The following FKBP5 variants were observed in gnomAD, a reference collection of about 807,000 sequenced individuals.
FKBP5 encodes the protein FKBP prolyl isomerase 5.
In FKBP5, 23 loss-of-function variants were observed where a neutral mutation model predicts 50.5. The observed-to-expected ratio is 0.46, with a 90% CI of 0.33 to 0.65. FKBP5 has a LOEUF of 0.65. Ranked by LOEUF, FKBP5 falls within the 30% of genes least tolerant of loss-of-function variation. FKBP5 has a pLI of 0.02. For synonymous variants in FKBP5, 176 were observed against 190.6 expected (o/e 0.92, Z 0.63); for missense variants, 411 against 553.1 (o/e 0.74, Z 2.58).
chr6:35,595,166 C>T (rs796648889), intron 6 of FKBP5, among the ~76,000 whole-genome samples: 41 of 152,290 alleles, frequency 2.7e-4, no homozygotes, highest in African/African-American at 7.5e-4. Context: ...AAAGTGTAAC[C>T]ACTAATGATA....
chr6:35,585,272 T>C, intron 8 of FKBP5: 1 of 982,316 alleles, frequency 1.0e-6, no homozygotes, highest in Non-Finnish European at 1.2e-6. Flanking sequence ...TTAAGAAATT[T>C]TGTAGAAACA....
chr6:35,695,345 TA>T lies in FKBP5; in HGVS notation c.-20+24982del, dbSNP rs540699134. Among the ~76,000 whole-genome samples the T allele has an allele frequency of 1.5e-3, 228 of 152,320 alleles. 2 individuals are homozygous for T. The highest frequency in any genetic ancestry group is 5.3e-3 in the African/African-American group (222 of 41,576). On this transcript the variant is annotated intron_variant, in intron 2 of 11. Transcript: ENST00000536438. ...CGCCTGACTAATCTTTTGTATTTTT[TA>T]GTAGAGACTGGGTTTCACCATGTTG... is the stretch of plus-strand genomic sequence containing the variant.
intron 1 of FKBP5, among the ~76,000 whole-genome samples, chr6:35,688,222 G>A (rs1765891747): frequency 6.6e-6 from 1 of 152,192 alleles, no homozygotes; most frequent in South Asian, 2.1e-4. Context: ...CGGCCACCCC[G>A]CCACCATCCC....
At chr6:35,713,718 A>C (rs990755186) in intron 2 of FKBP5, among the ~76,000 whole-genome samples, 1 of 152,148 alleles carries the variant, frequency 6.6e-6, no homozygotes, top group African/African-American at 2.4e-5. Context: ...GGTAGCAGAG[A>C]ATGTAAAAAG....
intron 7 of FKBP5, among the ~76,000 whole-genome samples, chr6:35,588,767 ATTTTTTT>A (rs758119749): frequency 5.9e-5 from 8 of 135,712 alleles, no homozygotes; most frequent in African/African-American, 1.6e-4. Context: ...TGTCCAGCTA[ATTTTTTT>A]TTTTTTTTTT....
rs537992101 is a variant in FKBP5 at position 35,584,020 on chromosome 6, A to T, written c.840+3014T>A. ...CAAGGGGGCGCAAGAATCCCACATC[A>T]CTTCAGTGTTCTTAGCCTTCTTGCC... On this transcript the variant is annotated intron_variant, in intron 8 of 10. Coordinates refer to ENST00000357266, the MANE Select transcript of FKBP5 (RefSeq NM_004117.4). 1,664 of 985,348 alleles carry T rather than the reference A, an allele frequency of 1.7e-3. 1 individual carries two copies. Among genetic ancestry groups the T allele is most frequent in the Non-Finnish European group, 1.9e-3 (1,576 of 829,920 alleles). The allele number at this position is 985,348 out of a possible 1,614,324, so 61.0% of individuals were successfully genotyped here. A position where few individuals can be genotyped will look rare whatever the true frequency, so the allele number is the denominator to read the frequency against.
At chr6:35,635,530 T>C (rs1278552782) in intron 3 of FKBP5, among the ~76,000 whole-genome samples, 1 of 152,166 alleles carries the variant, frequency 6.6e-6, no homozygotes, top group East Asian at 1.9e-4. Flanking sequence ...CCTTTTTTCC[T>C]CAGGACCCCT....
chr6:35,695,092 G>A (rs955436829), intron 2 of FKBP5, among the ~76,000 whole-genome samples: 1 of 152,192 alleles, frequency 6.6e-6, no homozygotes, highest in Non-Finnish European at 1.5e-5. Flanking sequence ...TTAACGGTGA[G>A]AGAATGGATG....
At chr6:35,701,299 A>G (rs1179663720) in intron 2 of FKBP5, among the ~76,000 whole-genome samples, 3 of 146,544 alleles carry the variant, frequency 2.0e-5, no homozygotes, top group Non-Finnish European at 4.5e-5. Context: ...GCTGGAGTGC[A>G]GTGGCGGGAT....
chr6:35,650,585 T>C (rs1764772244), intron 1 of FKBP5, among the ~76,000 whole-genome samples: 1 of 152,106 alleles, frequency 6.6e-6, no homozygotes, highest in South Asian at 2.1e-4. Flanking sequence ...ATGATACTCC[T>C]GCCTCAGCCT....
chr6:35,576,436 C>T (rs968541782), intron 10 of FKBP5, among the ~76,000 whole-genome samples: 1 of 152,082 alleles, frequency 6.6e-6, no homozygotes, highest in South Asian at 2.1e-4. Flanking sequence ...CTTTGGGAGA[C>T]CAAAGCAGGA....
intron 2 of FKBP5, among the ~76,000 whole-genome samples, chr6:35,700,786 T>C (rs1369641808): frequency 1.4e-5 from 2 of 143,798 alleles, no homozygotes; most frequent in Non-Finnish European, 3.0e-5. Context: ...GGCGAAACCC[T>C]GTCTCTACTA....
chr6:35,723,592 A>G lies in FKBP5; in HGVS notation c.-240-3044T>C, dbSNP rs1321254148. Among the ~76,000 whole-genome samples, 4 of 152,390 alleles carry G rather than the reference A, an allele frequency of 2.6e-5. No homozygotes were observed. In the East Asian group the frequency reaches 7.7e-4, roughly 29 times the overall value. The stretch of plus-strand genomic sequence containing the variant: ...ATAGATGGAGGTAAACAGGACTCTC[A>G]GTGAACAAGGAGAGAGAAATTCAGA... On this transcript the variant is annotated intron_variant, in intron 1 of 11. Coordinates refer to the FKBP5 transcript ENST00000536438.
intron 1 of FKBP5, among the ~76,000 whole-genome samples, chr6:35,657,076 G>T (rs1019674152): frequency 6.7e-6 from 1 of 149,578 alleles, no homozygotes; most frequent in Non-Finnish European, 1.5e-5. Context: ...CTAGCCGGGA[G>T]TGGTGGCGGG....
At chr6:35,666,669 T>C (rs1043525853) in intron 1 of FKBP5, among the ~76,000 whole-genome samples, 2 of 152,038 alleles carry the variant, frequency 1.3e-5, no homozygotes, top group Non-Finnish European at 2.9e-5. Context: ...GGCAGGCGGA[T>C]CACGAGTTCA....
At chr6:35,662,022 G>A (rs1397174869) in intron 1 of FKBP5, among the ~76,000 whole-genome samples, 4 of 152,104 alleles carry the variant, frequency 2.6e-5, no homozygotes, top group Non-Finnish European at 5.9e-5. Flanking sequence ...AGTAGTAGAT[G>A]TTGTAATTAT....
At chr6:35,583,475 A>C in intron 8 of FKBP5, 6 of 985,414 alleles carry the variant, frequency 6.1e-6, no homozygotes, top group Non-Finnish European at 7.2e-6. Context: ...TCTTGCATAT[A>C]TATCATGTAA....
Position 35,581,916 on chromosome 6 carries a change from A to T in FKBP5, c.841-1695T>A. The T allele has an allele frequency of 3.0e-6, 3 of 985,402 alleles. No individual in the cohort carries two copies. In the South Asian group the frequency reaches 1.4e-4, roughly 46 times the overall value. The allele number at this position is 985,402 out of a possible 1,614,324, so 61.0% of individuals were successfully genotyped here. On this transcript the variant is annotated intron_variant, in intron 8 of 10. Coordinates refer to ENST00000357266, the MANE Select transcript of FKBP5 (RefSeq NM_004117.4). ...TGCCGAGTTGTCTCTCCCCACAAATACTCCAACCCTCACCCAAGGAGTCTG... is the reference window on the plus strand; with the variant it reads ...TGCCGAGTTGTCTCTCCCCACAAATTCTCCAACCCTCACCCAAGGAGTCTG...
chr6:35,700,316 A>G (rs899529225), intron 2 of FKBP5, among the ~76,000 whole-genome samples: 1 of 152,026 alleles, frequency 6.6e-6, no homozygotes, highest in Non-Finnish European at 1.5e-5. Flanking sequence ...ATGTGCCACC[A>G]CACTTGGCTA....
Sources: gnomAD v4.1 joint callset for allele counts (sites outside exome capture counted in the v4.1 genomes callset) on GRCh38, gnomAD v4.1.1 for gene constraint, MANE v1.5 for transcripts, NCBI Gene and HGNC (gene_info 2026-07-23, HGNC 2026-07-21) for gene names.